Variants in AFF2 observed in about 807,000 individuals in gnomAD.
AFF2 encodes ALF transcription elongation factor 2.
AFF2 carries 14 observed loss-of-function variants against 76.9 expected under a neutral mutation model. That is an observed-to-expected ratio of 0.18 (90% CI 0.12 to 0.28). The LOEUF (loss-of-function observed/expected upper bound fraction) is 0.28. Among genes scored for constraint, AFF2 ranks in the 10% least tolerant of loss-of-function variants. The pLI is 1.00. For missense variants in AFF2, 868 were observed against 1,001.1 expected, an observed-to-expected ratio of 0.87 and a Z score of 1.79; for synonymous variants, 398 against 366.7, an observed-to-expected ratio of 1.09 and a Z score of -0.98.
chrX:148,967,539 T>G, intron 14 of AFF2, 90 bp from the exon 15 acceptor site: 4 of 886,123 alleles, frequency 4.5e-6, no homozygotes, highest in Non-Finnish European at 6.5e-6. Context: ...TATATGGGAA[T>G]AAATTTATAG....
intron 1 of AFF2, among the ~76,000 whole-genome samples, chrX:148,620,840 A>G (rs1557251149): frequency 2.7e-5 from 3 of 111,943 alleles, no homozygotes; most frequent in Non-Finnish European, 5.6e-5. Context: ...CTTTTATCAG[A>G]GCTGCCAACT....
At chrX:148,754,350 G>A (rs1275612200) in intron 3 of AFF2, among the ~76,000 whole-genome samples, 4 of 110,850 alleles carry the variant, frequency 3.6e-5, no homozygotes, top group African/African-American at 1.3e-4. Flanking sequence ...AAGAAACTTT[G>A]GAGGATTGAT....
chrX:148,727,775 C>T (rs1557264363), intron 3 of AFF2, among the ~76,000 whole-genome samples: 4 of 112,168 alleles, frequency 3.6e-5, no homozygotes, highest in Non-Finnish European at 1.9e-5. Flanking sequence ...TCTCATCTTG[C>T]TTCAGCATGG....
At position 148,885,953 on chromosome X, in the gene AFF2, A is replaced by T; in HGVS notation, c.1327A>T (p.Thr443Ser). The part of the protein sequence containing the change: ...EDDLEPVKTL[T>S]TQCTATELYQ... ...TGACCTTGAGCCTGTGAAGACCTTG[A>T]CCACTCAGTGCACTGCCACTGAGCT... is the stretch of plus-strand genomic sequence containing the variant. Residue 443 changes from threonine to serine, a missense_variant, in exon 8 of 21, where the codon ACC (threonine) becomes TCC (serine). Thr to Ser is a moderately conservative substitution (Grantham distance 58). Around this residue, in one of 6 missense-constraint regions of AFF2, gnomAD observed 532 missense variants for 564.2 expected, o/e 0.94. Coordinates refer to ENST00000370460, the MANE Select transcript of AFF2 (RefSeq NM_002025.4). The T allele has an allele frequency of 8.3e-7, 1 of 1,209,969 alleles. No homozygotes were observed.
intron 1 of AFF2, among the ~76,000 whole-genome samples, chrX:148,621,699 C>T (rs1180751994): frequency 9.0e-6 from 1 of 111,301 alleles, no homozygotes; most frequent in Non-Finnish European, 1.9e-5. Context: ...GGATATTTAG[C>T]TTTTTTTGAG....
rs1658211446 is a variant in AFF2 at position 148,813,647 on chromosome X, C to T, written c.1086+3727C>T. Among the ~76,000 whole-genome samples, 3 of 111,613 alleles carry T rather than the reference C, an allele frequency of 2.7e-5. No homozygotes were observed. In the South Asian group the frequency reaches 1.1e-3, roughly 42 times the overall value. ...GTCAGAGAGGTGAAGTAATTTGCCT[C>T]AAGTCACAGTTCTCCAAGTCTCTGA... On this transcript the variant is annotated intron_variant, in intron 4 of 20. Coordinates refer to ENST00000370460, the MANE Select transcript of AFF2 (RefSeq NM_002025.4).
At chrX:148,504,476 T>C (rs1557232249) in intron 1 of AFF2, among the ~76,000 whole-genome samples, 1 of 112,991 alleles carries the variant, frequency 8.9e-6, no homozygotes, top group Non-Finnish European at 1.9e-5. Context: ...ATCAATTGTT[T>C]GTAGTTTTTA....
chrX:148,932,118 C>T (rs1227943960), intron 9 of AFF2, among the ~76,000 whole-genome samples: 1 of 111,958 alleles, frequency 8.9e-6, no homozygotes, highest in Non-Finnish European at 1.9e-5. Flanking sequence ...ATAGATGAGA[C>T]ATTCTCCAAG....
chrX:148,566,829 C>T (rs112589682), intron 1 of AFF2, among the ~76,000 whole-genome samples: 2,098 of 111,550 alleles, frequency 0.019, 38 homozygotes, highest in African/African-American at 0.065. Flanking sequence ...GCCAAAATCT[C>T]CTTTGTAGCT....
intron 1 of AFF2, among the ~76,000 whole-genome samples, chrX:148,631,591 G>C (rs2053981767): frequency 8.9e-6 from 1 of 112,286 alleles, no homozygotes; most frequent in African/African-American, 3.2e-5. Context: ...AAAGGGGCCA[G>C]ATGGCTGTAA....
intron 2 of AFF2, among the ~76,000 whole-genome samples, chrX:148,654,637 G>T (rs920395140): frequency 9.1e-6 from 1 of 109,591 alleles, no homozygotes; most frequent in Non-Finnish European, 1.9e-5. Flanking sequence ...AGGTCCCGGA[G>T]GAGATTAAAA....
At chrX:148,614,775 TTTC>T (rs2053778457) in intron 1 of AFF2, among the ~76,000 whole-genome samples, 1 of 81,285 alleles carries the variant, frequency 1.2e-5, no homozygotes, top group African/African-American at 6.4e-5. Flanking sequence ...TCTTTCTTTC[TTTC>T]TTTCTTTCTT....
chrX:148,509,412 A>C (rs1380063792), intron 1 of AFF2, among the ~76,000 whole-genome samples: 1 of 111,986 alleles, frequency 8.9e-6, no homozygotes, highest in East Asian at 2.8e-4. Flanking sequence ...GCTCACATTC[A>C]TCACATAATT....
intron 1 of AFF2, among the ~76,000 whole-genome samples, chrX:148,625,978 A>C (rs782099635): frequency 8.9e-6 from 1 of 112,412 alleles, no homozygotes; most frequent in East Asian, 2.8e-4. Context: ...AGTTATATTA[A>C]TGAACCCTGA....
At chrX:148,536,164 T>C (rs1185497043) in intron 1 of AFF2, among the ~76,000 whole-genome samples, 1 of 108,860 alleles carries the variant, frequency 9.2e-6, no homozygotes, top group Non-Finnish European at 1.9e-5. Flanking sequence ...GGGCCAAAGA[T>C]TGTACCACTA....
chrX:148,583,652 A>G (rs2053436834), intron 1 of AFF2, among the ~76,000 whole-genome samples: 1 of 111,865 alleles, frequency 8.9e-6, no homozygotes, highest in Non-Finnish European at 1.9e-5. Flanking sequence ...ACAGACTTCA[A>G]TATAGACAAA....
chrX:148,775,833 G>A (rs2069659514), intron 3 of AFF2, among the ~76,000 whole-genome samples: 1 of 103,571 alleles, frequency 9.7e-6, no homozygotes, highest in Non-Finnish European at 2.0e-5. Context: ...AGATAACTCA[G>A]GATAAATGCA....
chrX:148,558,426 A>C (rs554709212), intron 1 of AFF2, among the ~76,000 whole-genome samples: 8 of 111,362 alleles, frequency 7.2e-5, no homozygotes, highest in African/African-American at 2.6e-4. Flanking sequence ...TTGAAGCCAG[A>C]AGCCAGAGGC....
At chrX:148,988,351 G>A (rs781814371) in intron 20 of AFF2, among the ~76,000 whole-genome samples, 31 of 112,162 alleles carry the variant, frequency 2.8e-4, no homozygotes, top group Non-Finnish European at 5.4e-4. Context: ...CATTACTACT[G>A]TATCGCTGAG....
Sources: allele counts gnomAD v4.1 joint callset (sites outside exome capture counted in the v4.1 genomes callset), GRCh38; gene constraint gnomAD v4.1.1; regional missense constraint gnomAD v4.1.1; transcripts MANE v1.5; gene names NCBI Gene and HGNC (gene_info 2026-07-23, HGNC 2026-07-21).